The following ZNF431 variants were observed in gnomAD, a reference collection of about 807,000 sequenced individuals.
ZNF431 encodes zinc finger protein 431.
Under a neutral mutation model 57.0 loss-of-function variants are expected in ZNF431, and 34 were observed. The observed-to-expected ratio is 0.60, with a 90% CI of 0.45 to 0.79. ZNF431 has a LOEUF of 0.79. Among genes scored for constraint, ZNF431 ranks in the 30% least tolerant of loss-of-function variants. The pLI, the probability that ZNF431 is intolerant of heterozygous loss-of-function variation, is 0.00. For missense variants in ZNF431, 607 were observed against 667.1 expected, an observed-to-expected ratio of 0.91 and a Z score of 0.99; for synonymous variants, 207 against 220.3, an observed-to-expected ratio of 0.94 and a Z score of 0.54.
intron 4 of ZNF431, among the ~76,000 whole-genome samples, chr19:21,173,190 G>A (rs909175015): frequency 1.3e-5 from 2 of 152,154 alleles, no homozygotes; most frequent in African/African-American, 4.8e-5. Context: ...TATAAATTAA[G>A]AGACACCTGG....
At chr19:21,179,231 T>A (rs947957942) in intron 4 of ZNF431, among the ~76,000 whole-genome samples, 4 of 152,168 alleles carry the variant, frequency 2.6e-5, no homozygotes, top group African/African-American at 9.7e-5. Context: ...TATCATTTTT[T>A]ATTGTTTATT....
chr19:21,160,283 T>C (rs7254094), intron 2 of ZNF431, among the ~76,000 whole-genome samples: 91,983 of 151,962 alleles, frequency 0.61, 28,249 homozygotes, highest in Middle Eastern at 0.81. Context: ...TTTTAGATCT[T>C]GTTCAATGAC....
rs756161905 is a variant in ZNF431 at position 21,193,143 on chromosome 19, A to G, written c.*9109A>G. On this transcript the variant is annotated 3_prime_UTR_variant, in exon 5 of 5. Transcript: ENST00000311048. Reference sequence around the variant, plus strand: ...TAAAATCACAGCCGAATTTTAACACATATACAGAGATGAGCTGGTATTACT... The same window carrying G: ...TAAAATCACAGCCGAATTTTAACACGTATACAGAGATGAGCTGGTATTACT... The G allele has an allele frequency of 6.6e-5, 10 of 152,206 alleles. No individual in the cohort carries two copies. The highest frequency in any genetic ancestry group is 7.3e-5 in the Non-Finnish European group (5 of 68,038). 9.4% of individuals were successfully genotyped at this position (152,206 alleles called of 1,614,324 possible).
At position 21,190,983 on chromosome 19, in the gene ZNF431, G is replaced by A. The variant is rs1485480016; in HGVS notation, c.*6949G>A. The A allele has an allele frequency of 6.6e-6, 1 of 151,692 alleles. No homozygotes were observed. Among genetic ancestry groups the A allele is most frequent in the African/African-American group, 2.4e-5 (1 of 41,288 alleles). 9.4% of individuals were successfully genotyped at this position (151,692 alleles called of 1,614,324 possible). On this transcript the variant is annotated 3_prime_UTR_variant, in exon 5 of 5. Transcript: ENST00000311048. ...TTATTTTTAATAATTTTTTATTGTTGTCATTTTAAATACACTTTTGATATT... is the reference window on the plus strand; with the variant it reads ...TTATTTTTAATAATTTTTTATTGTTATCATTTTAAATACACTTTTGATATT...
chr19:21,155,322 G>T (rs2144955671), intron 2 of ZNF431, among the ~76,000 whole-genome samples: 1 of 152,270 alleles, frequency 6.6e-6, no homozygotes, highest in East Asian at 1.9e-4. Flanking sequence ...TCAAAGATCA[G>T]ATGGTTGTAG....
intron 2 of ZNF431, among the ~76,000 whole-genome samples, chr19:21,148,281 C>T (rs1402507193): frequency 6.6e-6 from 1 of 152,188 alleles, no homozygotes; most frequent in East Asian, 1.9e-4. Flanking sequence ...AGACATGAGC[C>T]ACCATGCCCG....
rs1311487453 is a variant in ZNF431 at position 21,184,468 on chromosome 19, C to G, written c.*434C>G. 1 of 155,640 alleles carries G rather than the reference C, an allele frequency of 6.4e-6. No homozygotes were observed. Among genetic ancestry groups the G allele is most frequent in the African/African-American group, 2.4e-5 (1 of 41,462 alleles). 9.6% of individuals were successfully genotyped at this position (155,640 alleles called of 1,614,324 possible). A position where few individuals can be genotyped will look rare whatever the true frequency, so the allele number is the denominator to read the frequency against. ...TATACTGGAGAGAAACTCTACAAAT[C>G]AGAAAGATGTGACTACTTTTGACAA... is the stretch of plus-strand genomic sequence containing the variant. On this transcript the variant is annotated 3_prime_UTR_variant, in exon 5 of 5. Transcript: ENST00000311048.
chr19:21,194,115 G>T lies in ZNF431; in HGVS notation c.*10081G>T, dbSNP rs759340373. On this transcript the variant is annotated 3_prime_UTR_variant, in exon 5 of 5. Transcript: ENST00000311048. ...AATTCTCTACCTAGAAAACTTTAAG[G>T]ATTTTACCAAAAGACTCCTAAGGTT... The T allele has an allele frequency of 3.3e-5, 5 of 152,064 alleles. No individual in the cohort carries two copies. Among genetic ancestry groups the T allele is most frequent in the Admixed American group, 1.3e-4 (2 of 15,264 alleles). The allele number at this position is 152,064 out of a possible 1,614,324, so 9.4% of individuals were successfully genotyped here. A position where few individuals can be genotyped will look rare whatever the true frequency, so the allele number is the denominator to read the frequency against.
intron 2 of ZNF431, chr19:21,150,516 A>G (rs1354734846): frequency 5.8e-6 from 1 of 173,790 alleles, no homozygotes; most frequent in Non-Finnish European, 1.2e-5. Context: ...CAGGGCCAGG[A>G]AAGCATGTCG....
intron 4 of ZNF431, among the ~76,000 whole-genome samples, chr19:21,175,905 T>A (rs1188241383): frequency 6.6e-6 from 1 of 152,232 alleles, no homozygotes; most frequent in Non-Finnish European, 1.5e-5. Context: ...TGTATCTTCA[T>A]AATAGAATGA....
In ZNF431 at chr19:21,190,163, G is replaced by C. The variant is rs1012635445; in HGVS notation, c.*6129G>C. 1 of 340,180 alleles carries C rather than the reference G, an allele frequency of 2.9e-6. No individual in the cohort carries two copies. Among genetic ancestry groups the C allele is most frequent in the Non-Finnish European group, 5.2e-6 (1 of 190,576 alleles). The allele number at this position is 340,180 out of a possible 1,614,324, so 21.1% of individuals were successfully genotyped here. On this transcript the variant is annotated 3_prime_UTR_variant, in exon 5 of 5. Coordinates refer to ENST00000311048, the MANE Select transcript of ZNF431 (RefSeq NM_133473.4). ...CATCCTGGGCAACAGAGTGAGACTC[G>C]GTCTCAAGAGGGAAAATAAGGCATT...
At chr19:21,165,395 A>G (rs1241351529) in intron 2 of ZNF431, among the ~76,000 whole-genome samples, 1 of 152,226 alleles carries the variant, frequency 6.6e-6, no homozygotes, top group Non-Finnish European at 1.5e-5. Context: ...TAAAATCATT[A>G]TTAAAATTAT....
rs1311957405 is a variant in ZNF431, at chr19:21,195,565, A to G, written c.*11531A>G. ...TACAGAACACTTAATGTATCAGACA[A>G]CCATGATTATGATGTATATACCTGG... On this transcript the variant is annotated 3_prime_UTR_variant, in exon 5 of 5. Transcript: ENST00000311048. The G allele has an allele frequency of 6.6e-6, 1 of 152,216 alleles. No individual in the cohort carries two copies. Among genetic ancestry groups the G allele is most frequent in the Non-Finnish European group, 1.5e-5 (1 of 68,034 alleles). 9.4% of individuals were successfully genotyped at this position (152,216 alleles called of 1,614,324 possible). A position where few individuals can be genotyped will look rare whatever the true frequency, so the allele number is the denominator to read the frequency against.
At chr19:21,180,760 A>G (rs1443799918) in intron 4 of ZNF431, among the ~76,000 whole-genome samples, 1 of 152,102 alleles carries the variant, frequency 6.6e-6, no homozygotes, top group East Asian at 1.9e-4. Context: ...CACCCTGGCC[A>G]ATATGGTGAA....
intron 2 of ZNF431, chr19:21,150,950 A>G (rs934748686): frequency 5.3e-5 from 8 of 152,236 alleles, no homozygotes; most frequent in African/African-American, 1.7e-4. Context: ...GTGTTTCTCA[A>G]AAGAGGGCCT....
chr19:21,169,819 T>A (rs1970830202), intron 4 of ZNF431: 4 of 398,460 alleles, frequency 1.0e-5, no homozygotes, highest in Admixed American at 8.8e-5. Context: ...CTGATCATGA[T>A]CTGCGGCTCA....
chr19:21,183,799 T>G lies in ZNF431; in HGVS notation c.1496T>G (p.Leu499Arg). The stretch of plus-strand genomic sequence containing the variant: ...AAAGCTTTTAACCGATCCTCAAATC[T>G]TACTAAACATAAGATAATTCATACA... ...CGKAFNRSSN[L>R]TKHKIIHTGE... The change falls in exon 5 of 5, where the codon CTT becomes CGT. Residue 499 changes from leucine (L) to arginine (R), a missense_variant. Coordinates refer to ENST00000311048, the MANE Select transcript of ZNF431 (RefSeq NM_133473.4). The G allele has an allele frequency of 6.2e-7, 1 of 1,613,996 alleles. No individual in the cohort carries two copies. The highest frequency in any genetic ancestry group is 2.2e-5 in the East Asian group (1 of 44,866).
Position 21,187,980 on chromosome 19 carries a change from A to G in ZNF431, c.*3946A>G, listed in dbSNP as rs1194476236. 2 of 151,762 alleles carry G rather than the reference A, an allele frequency of 1.3e-5. No individual in the cohort carries two copies. Among genetic ancestry groups the G allele is most frequent in the African/African-American group, 4.8e-5 (2 of 41,298 alleles). 9.4% of individuals were successfully genotyped at this position (151,762 alleles called of 1,614,324 possible). ...TTGCTTATCAGAACAGTTAAAAGGC[A>G]GCCAGGTGTGGCTCACGCCTGTAAT... On this transcript the variant is annotated 3_prime_UTR_variant, in exon 5 of 5. Coordinates refer to ENST00000311048, the MANE Select transcript of ZNF431 (RefSeq NM_133473.4).
rs1255656329 is a variant in ZNF431 at position 21,194,658 on chromosome 19, C to G, written c.*10624C>G. On this transcript the variant is annotated 3_prime_UTR_variant, in exon 5 of 5. Coordinates refer to ENST00000311048, the MANE Select transcript of ZNF431 (RefSeq NM_133473.4). Reference sequence around the variant, plus strand: ...TAATTTTTATGTTTTTAGTAGAGATCGAGTTTTGCTGTGTTGGCCAGGCTG... The same window carrying G: ...TAATTTTTATGTTTTTAGTAGAGATGGAGTTTTGCTGTGTTGGCCAGGCTG... 6.6e-6 allele frequency: 1 copy of G among 151,852 alleles called. No homozygotes were observed. Among genetic ancestry groups the G allele is most frequent in the African/African-American group, 2.4e-5 (1 of 41,330 alleles). 9.4% of individuals were successfully genotyped at this position (151,852 alleles called of 1,614,324 possible).
Sources: gnomAD v4.1 joint callset for allele counts (sites outside exome capture counted in the v4.1 genomes callset) on GRCh38, gnomAD v4.1.1 for gene constraint, MANE v1.5 for transcripts, NCBI Gene and HGNC (gene_info 2026-07-23, HGNC 2026-07-21) for gene names.